The following NT5DC1 variants were observed in gnomAD, a reference collection of about 807,000 sequenced individuals.
NT5DC1 encodes the protein 5'-nucleotidase domain-containing protein 1.
NT5DC1 carries 42 observed loss-of-function variants against 59.4 expected under a neutral mutation model. The ratio of observed to expected loss-of-function variants is 0.71; its 90% CI spans 0.55 to 0.92. The LOEUF (loss-of-function observed/expected upper bound fraction) is 0.92, where lower values mean the gene tolerates loss of function less well. NT5DC1 is among the 40% of genes least tolerant of loss of function. NT5DC1 has a pLI of 0.00. For missense variants in NT5DC1, 501 were observed against 537.1 expected (o/e 0.93, Z 0.66); for synonymous variants, 172 against 188.1 (o/e 0.91, Z 0.70).
At chr6:116,105,749 G>A (rs1778754346) in intron 1 of NT5DC1, among the ~76,000 whole-genome samples, 1 of 151,312 alleles carries the variant, frequency 6.6e-6, no homozygotes, top group Non-Finnish European at 1.5e-5. Context: ...TGGTTTTTGT[G>A]TATGTGTGTG....
chr6:116,222,562 A>G (rs1311849179), intron 7 of NT5DC1, among the ~76,000 whole-genome samples: 1 of 152,216 alleles, frequency 6.6e-6, no homozygotes, highest in Non-Finnish European at 1.5e-5. Flanking sequence ...TGTCAAATAA[A>G]GTGTCTTCTT....
intron 1 of NT5DC1, among the ~76,000 whole-genome samples, chr6:116,102,783 A>T (rs1582801728): frequency 6.6e-6 from 1 of 152,214 alleles, no homozygotes; most frequent in Non-Finnish European, 1.5e-5. Context: ...GGATACAGAG[A>T]TCAACACGCA....
Position 116,244,004 on chromosome 6 carries a change from G to A in NT5DC1, c.1348G>A (p.Glu450Lys). ...PNPPLVLSSD[E>K]TLISK ...TCCTCCACTGGTCTTATCAAGTGAT[G>A]AGACACTGATATCCAAATAAGTTGT... is the stretch of plus-strand genomic sequence containing the variant. Residue 450 changes from glutamate to lysine, a missense_variant, in exon 12 of 12, where the codon GAG becomes AAG. By Grantham distance (56) the Glu-to-Lys change is moderately conservative (BLOSUM62 1). Transcript: ENST00000319550. The A allele has an allele frequency of 4.2e-6, 6 of 1,422,892 alleles. No individual in the cohort carries two copies. The highest frequency in any genetic ancestry group is 5.9e-6 in the Non-Finnish European group (6 of 1,015,444). The allele number at this position is 1,422,892 out of a possible 1,614,324, so 88.1% of individuals were successfully genotyped here. A position where few individuals can be genotyped will look rare whatever the true frequency, so the allele number is the denominator to read the frequency against.
intron 6 of NT5DC1, among the ~76,000 whole-genome samples, chr6:116,124,308 G>T (rs1779226917): frequency 6.6e-6 from 1 of 152,036 alleles, no homozygotes; most frequent in South Asian, 2.1e-4. Context: ...TATGGAAAGG[G>T]AGTTTGAAGC....
chr6:116,125,428 G>A (rs759940492), intron 6 of NT5DC1: 1 of 1,613,846 alleles, frequency 6.2e-7, no homozygotes, highest in Non-Finnish European at 8.5e-7. Context: ...GTATCGTTCA[G>A]CGTAAAACAC....
intron 6 of NT5DC1, among the ~76,000 whole-genome samples, chr6:116,131,534 G>A (rs1779465244): frequency 6.6e-6 from 1 of 152,058 alleles, no homozygotes; most frequent in African/African-American, 2.4e-5. Context: ...GGAGATCATT[G>A]CAGAACATTG....
chr6:116,186,162 A>G (rs1194641916), intron 6 of NT5DC1, among the ~76,000 whole-genome samples: 1 of 151,828 alleles, frequency 6.6e-6, no homozygotes, highest in Non-Finnish European at 1.5e-5. Flanking sequence ...TTCTTATATG[A>G]TAATTATTTT....
At chr6:116,165,064 T>C (rs1371863955) in intron 6 of NT5DC1, among the ~76,000 whole-genome samples, 1 of 142,234 alleles carries the variant, frequency 7.0e-6, no homozygotes, top group Non-Finnish European at 1.5e-5. Context: ...ACCACTGCGC[T>C]TCAGTCTAGG....
intron 4 of NT5DC1, 142 bp from the exon 5 acceptor site, chr6:116,115,549 A>C: frequency 2.3e-6 from 1 of 432,352 alleles, no homozygotes; most frequent in Non-Finnish European, 4.2e-6. Flanking sequence ...AATGACAGCC[A>C]ATAATGGTGC....
At chr6:116,115,481 G>C (rs796253527) in intron 4 of NT5DC1, among the ~76,000 whole-genome samples, 15 of 152,168 alleles carry the variant, frequency 9.9e-5, no homozygotes, top group African/African-American at 3.6e-4. Flanking sequence ...TTAACTTCTA[G>C]ATATCATCTT....
At chr6:116,202,413 C>G (rs747554851) in intron 6 of NT5DC1, among the ~76,000 whole-genome samples, 1 of 151,952 alleles carries the variant, frequency 6.6e-6, no homozygotes, top group African/African-American at 2.4e-5. Context: ...GAGTTTTGTT[C>G]GCCATACTCT....
chr6:116,109,958 C>T (rs1241280996), intron 3 of NT5DC1, among the ~76,000 whole-genome samples: 1 of 152,168 alleles, frequency 6.6e-6, no homozygotes, highest in Non-Finnish European at 1.5e-5. Context: ...CCAAAACCCC[C>T]AGTGGTTCCT....
rs1771828933 is a variant in NT5DC1, at chr6:116,245,452, GGTAA to G, written c.*1433_*1436del. 3 of 152,050 alleles carry G rather than the reference GGTAA, an allele frequency of 2.0e-5. No individual in the cohort carries two copies. The highest frequency in any genetic ancestry group is 1.3e-4 in the Admixed American group (2 of 15,220). 9.4% of individuals were successfully genotyped at this position (152,050 alleles called of 1,614,324 possible). The stretch of plus-strand genomic sequence containing the variant: ...ATATACTGTGGGATGAGTATCTCAG[GGTAA>G]GTAACAAAAAAACAAACAAAAAAAA... On this transcript the variant is annotated 3_prime_UTR_variant, in exon 12 of 12. Coordinates refer to ENST00000319550, the MANE Select transcript of NT5DC1 (RefSeq NM_152729.3).
At chr6:116,131,869 T>A (rs1490294829) in intron 6 of NT5DC1, among the ~76,000 whole-genome samples, 1 of 152,122 alleles carries the variant, frequency 6.6e-6, no homozygotes, top group Non-Finnish European at 1.5e-5. Context: ...TGTTCCTCTC[T>A]ATGTGTCCAT....
chr6:116,171,086 CT>C (rs200943594), intron 6 of NT5DC1, among the ~76,000 whole-genome samples: 11 of 148,902 alleles, frequency 7.4e-5, no homozygotes, highest in East Asian at 2.0e-4. Flanking sequence ...TAGAAGTCAT[CT>C]TTTTTTTTTA....
chr6:116,139,964 T>C (rs1193691859), intron 6 of NT5DC1, among the ~76,000 whole-genome samples: 9 of 152,164 alleles, frequency 5.9e-5, no homozygotes, highest in Non-Finnish European at 1.2e-4. Flanking sequence ...GAGTCTTCCA[T>C]GTGTCAGGTG....
intron 6 of NT5DC1, among the ~76,000 whole-genome samples, chr6:116,139,569 A>C (rs1360942220): frequency 6.6e-6 from 1 of 152,188 alleles, no homozygotes; most frequent in African/African-American, 2.4e-5. Context: ...GTGTATTGGA[A>C]TATTAAAAAA....
chr6:116,155,638 A>G (rs992121939), intron 6 of NT5DC1, among the ~76,000 whole-genome samples: 1 of 152,072 alleles, frequency 6.6e-6, no homozygotes, highest in Non-Finnish European at 1.5e-5. Flanking sequence ...AGGTTACTCC[A>G]TTACAACATA....
chr6:116,122,305 AAGAC>A (rs1198909745), intron 6 of NT5DC1, among the ~76,000 whole-genome samples: 1 of 152,172 alleles, frequency 6.6e-6, no homozygotes, highest in Non-Finnish European at 1.5e-5. Flanking sequence ...AAGGCAGAAA[AAGAC>A]AGTGCAGAAT....
Sources: gnomAD v4.1 joint callset for allele counts (sites outside exome capture counted in the v4.1 genomes callset) on GRCh38, gnomAD v4.1.1 for gene constraint, MANE v1.5 for transcripts, NCBI Gene and HGNC (gene_info 2026-07-23, HGNC 2026-07-21) for gene names.